The following TJP2 variants were observed in gnomAD, a reference collection of about 807,000 sequenced individuals.
The protein encoded by TJP2 is tight junction protein 2, also known as Friedreich ataxia region gene X104 (tight junction protein ZO-2).
TJP2 carries 91 observed loss-of-function variants against 133.1 expected under a neutral mutation model. That is an observed-to-expected ratio of 0.68 (90% CI 0.58 to 0.81). TJP2 has a LOEUF of 0.81. TJP2 is among the 40% of genes least tolerant of loss of function. TJP2 has a pLI of 0.00. For missense variants in TJP2, 1,541 were observed against 1,565.6 expected (o/e 0.98, Z 0.26); for synonymous variants, 592 against 583.4 (o/e 1.01, Z -0.21).
At chr9:69,253,820 C>A in intron 22 of TJP2, 1 of 299,360 alleles carries the variant, frequency 3.3e-6, no homozygotes, top group South Asian at 3.4e-5. Flanking sequence ...TTCTTCTTTA[C>A]CAGCTGAGTG....
At chr9:69,166,596 T>C (rs574791153) in intron 2 of TJP2, among the ~76,000 whole-genome samples, 2 of 152,006 alleles carry the variant, frequency 1.3e-5, no homozygotes, top group African/African-American at 4.8e-5. Flanking sequence ...TAATTTTTTT[T>C]TCTGAGTAGC....
chr9:69,216,791 A>G (rs778512683), intron 3 of TJP2, among the ~76,000 whole-genome samples: 1 of 151,932 alleles, frequency 6.6e-6, no homozygotes, highest in Non-Finnish European at 1.5e-5. Flanking sequence ...CTTAACCAAC[A>G]CTGTTTATGT....
In TJP2 at chr9:69,205,623, T is replaced by A. The variant is rs576040444; in HGVS notation, c.61-6925T>A. On this transcript the variant is annotated intron_variant, in intron 1 of 22. Coordinates refer to ENST00000377245, the MANE Select transcript of TJP2 (RefSeq NM_004817.4). ...TTTCTTACACTGCAGAAATCTATATTCTTATTATGTCTAGGCTTCTAACTT... is the reference window on the plus strand; with the variant it reads ...TTTCTTACACTGCAGAAATCTATATACTTATTATGTCTAGGCTTCTAACTT... Among the ~76,000 whole-genome samples, 4 of 152,364 alleles carry A rather than the reference T, an allele frequency of 2.6e-5. 1 individual carries two copies. In the East Asian group the frequency reaches 7.7e-4, roughly 29 times the overall value.
In TJP2 at chr9:69,124,403, G is replaced by T. The variant is rs1299697781; in HGVS notation, c.-131+2678G>T. 2.3e-4 allele frequency among the ~76,000 whole-genome samples: 18 copies of T among 76,630 alleles called. 9 individuals are homozygous for T. The Admixed American group carries it at 3.5e-3, about 15-fold the overall frequency. 50.3% of individuals were successfully genotyped at this position (76,630 alleles called of 152,430 possible). The stretch of plus-strand genomic sequence containing the variant: ...ATTATTATTTTTTTCTGTAGATTGG[G>T]TTCTTGCTTTGCTGCCCAGGCTAGT... On this transcript the variant is annotated intron_variant, in intron 1 of 5. Transcript: ENST00000423935.
Position 69,239,943 on chromosome 9 carries a change from C to T in TJP2, c.2362C>T (p.His788Tyr), listed in dbSNP as rs760920622. Reference protein sequence around the residue: ...TVRQIIEQDKHALLDVTPKAV... With the variant: ...TVRQIIEQDKYALLDVTPKAV... ...TTTCCCCTTTTGTAAACAGGATAAG[C>T]ATGCACTACTGGATGTGACTCCGAA... Residue 788 changes from histidine to tyrosine, a missense_variant, in exon 17 of 23, where the codon CAT (histidine) becomes TAT (tyrosine). His to Tyr is a moderately conservative substitution (Grantham distance 83, BLOSUM62 2). Coordinates refer to ENST00000377245, the MANE Select transcript of TJP2 (RefSeq NM_004817.4). 12 of 1,613,652 alleles carry T rather than the reference C, an allele frequency of 7.4e-6. No homozygotes were observed. The highest frequency in any genetic ancestry group is 1.6e-4 in the Middle Eastern group (1 of 6,062).
At chr9:69,187,627 A>G (rs557807707) in intron 1 of TJP2, among the ~76,000 whole-genome samples, 2 of 152,356 alleles carry the variant, frequency 1.3e-5, no homozygotes, top group South Asian at 2.1e-4. Flanking sequence ...GCTTCAGTGC[A>G]TGGGTTTATC....
chr9:69,158,567 C>T (rs897116548), intron 2 of TJP2, among the ~76,000 whole-genome samples: 8 of 151,996 alleles, frequency 5.3e-5, no homozygotes, highest in East Asian at 1.9e-4. Context: ...TTCCCTTAAA[C>T]GTTGCTGTTT....
intron 17 of TJP2, among the ~76,000 whole-genome samples, chr9:69,242,810 A>G (rs1830661950): frequency 6.6e-6 from 1 of 152,198 alleles, no homozygotes; most frequent in Non-Finnish European, 1.5e-5. Context: ...CATGTCCAGA[A>G]ACACTAGTCT....
At chr9:69,244,873 G>A (rs905005699) in intron 17 of TJP2, among the ~76,000 whole-genome samples, 1 of 152,060 alleles carries the variant, frequency 6.6e-6, no homozygotes, top group African/African-American at 2.4e-5. Context: ...TTTATCAAGG[G>A]GCAAGAACAT....
At chr9:69,173,930 C>T (rs758356233), upstream of TJP2, 84 of 984,248 alleles carry the variant, frequency 8.5e-5, no homozygotes, top group Non-Finnish European at 1.0e-4. Flanking sequence ...CCAGTGCACG[C>T]CGCGGAGCGA....
At position 69,254,350 on chromosome 9, in the gene TJP2, C is replaced by T. The variant is rs778590443; in HGVS notation, c.3549C>T (p.Ala1183=). The T allele has an allele frequency of 1.7e-4, 278 of 1,614,112 alleles. No individual in the cohort carries two copies. Among genetic ancestry groups the T allele is most frequent in the Non-Finnish European group, 2.3e-4 (274 of 1,180,050 alleles). ...AGCGCGGTTACTATGGCCAGTCTGCCCGATACCGGGACACAGAATTATAGA... is the reference window on the plus strand; with the variant it reads ...AGCGCGGTTACTATGGCCAGTCTGCTCGATACCGGGACACAGAATTATAGA... ...HSKRGYYGQS[A]RYRDTEL is the part of the protein sequence containing the mutation. Residue 1183 remains alanine (A), a synonymous_variant, in exon 23 of 23, where the codon GCC becomes GCT. Coordinates refer to ENST00000377245, the MANE Select transcript of TJP2 (RefSeq NM_004817.4).
At chr9:69,228,242 T>C (rs1304574718) in intron 9 of TJP2, 128 bp downstream of exon 9, 3 of 1,180,952 alleles carry the variant, frequency 2.5e-6, no homozygotes, top group Non-Finnish European at 3.6e-6. Context: ...TATCCTAAGC[T>C]AATTAACATG....
In TJP2 at chr9:69,236,815, C is replaced by T. The variant is rs566299602; in HGVS notation, c.1992-134C>T. ...AAGTGAAGGTCCCCACATTTCCCAC[C>T]CTCTGAAACTTCTTCATTGTCAAGC... On this transcript the variant is annotated intron_variant, in intron 13 of 22. Transcript: ENST00000377245. The T allele has an allele frequency of 3.7e-6, 4 of 1,069,548 alleles. No individual in the cohort carries two copies. In the Admixed American group the frequency reaches 6.8e-5, roughly 18 times the overall value. 66.3% of individuals were successfully genotyped at this position (1,069,548 alleles called of 1,614,324 possible).
At chr9:69,214,935 C>T (rs368526185) in intron 2 of TJP2, among the ~76,000 whole-genome samples, 2 of 151,280 alleles carry the variant, frequency 1.3e-5, no homozygotes, top group East Asian at 3.9e-4. Context: ...ACTACCAACA[C>T]ATCTACTTTG....
intron 11 of TJP2, among the ~76,000 whole-genome samples, chr9:69,232,899 G>T (rs575032090): frequency 2.0e-5 from 3 of 152,080 alleles, no homozygotes; most frequent in Admixed American, 2.0e-4. Flanking sequence ...GACTGTGATC[G>T]AGACTGATCT....
intron 1 of TJP2, among the ~76,000 whole-genome samples, chr9:69,189,325 T>A (rs1826060422): frequency 6.6e-6 from 1 of 152,208 alleles, no homozygotes; most frequent in South Asian, 2.1e-4. Context: ...GTTTCTCCAC[T>A]GAACCCTGGG....
chr9:69,205,653 G>T (rs1488927291), intron 1 of TJP2, among the ~76,000 whole-genome samples: 1 of 152,214 alleles, frequency 6.6e-6, no homozygotes, highest in Non-Finnish European at 1.5e-5. Flanking sequence ...TAACTTAGAA[G>T]AAAAAGTGTT....
chr9:69,236,869 T>C, intron 13 of TJP2, 80 bp from the exon 14 acceptor site: 1 of 1,500,726 alleles, frequency 6.7e-7, no homozygotes, highest in Non-Finnish European at 9.3e-7. Context: ...AGAAGTAAAA[T>C]TGACTGGATT....
chr9:69,173,954 C>T (rs1295798308), upstream of TJP2: 29 of 984,934 alleles, frequency 2.9e-5, no homozygotes, highest in Non-Finnish European at 3.4e-5. Context: ...ATCGGGCTGG[C>T]GGGGGTGGAG....
Sources: gnomAD v4.1 joint callset for allele counts (sites outside exome capture counted in the v4.1 genomes callset) on GRCh38, gnomAD v4.1.1 for gene constraint, MANE v1.5 for transcripts, NCBI Gene and HGNC (gene_info 2026-07-23, HGNC 2026-07-21) for gene names.